Variants in SORD observed in about 807,000 individuals in gnomAD.
SORD encodes (R,R)-butanediol dehydrogenase.
Under a neutral mutation model 35.6 loss-of-function variants are expected in SORD, and 18 were observed. The observed-to-expected ratio is 0.51, with a 90% CI of 0.35 to 0.75. The LOEUF (loss-of-function observed/expected upper bound fraction) is 0.75. Ranked by LOEUF, SORD falls within the 30% of genes least tolerant of loss-of-function variation. The pLI, the probability that SORD is intolerant of heterozygous loss-of-function variation, is 0.01. For missense variants in SORD, 250 were observed against 390.2 expected (o/e 0.64, Z 3.03); for synonymous variants, 106 against 152.9 (o/e 0.69, Z 2.26).
intron 3 of SORD, among the ~76,000 whole-genome samples, chr15:45,048,839 T>A (rs1189646383): frequency 1.3e-5 from 2 of 152,178 alleles, no homozygotes; most frequent in Non-Finnish European, 2.9e-5. Context: ...TACAAAGGTT[T>A]TTATAAGAAA....
intron 3 of SORD, among the ~76,000 whole-genome samples, chr15:45,048,784 T>G (rs1595501477): frequency 2.0e-5 from 3 of 151,560 alleles, no homozygotes; most frequent in African/African-American, 4.9e-5. Context: ...GCAGCGGGGG[T>G]GGAGGGAGGG....
chr15:45,060,918 C>T, intron 3 of SORD, 149 bp from the exon 4 acceptor site: 1 of 1,492,726 alleles, frequency 6.7e-7, no homozygotes, highest in Non-Finnish European at 9.0e-7. Flanking sequence ...TAGATTCTCT[C>T]ATCTGGCATC....
chr15:45,061,337 G>A, intron 4 of SORD, 111 bp downstream of exon 4: 5 of 1,217,586 alleles, frequency 4.1e-6, no homozygotes, highest in Non-Finnish European at 5.8e-6. Context: ...TTCCAAACAT[G>A]AGGCATCACC....
chr15:45,038,131 CCTT>C (rs1892900556), intron 1 of SORD, among the ~76,000 whole-genome samples: 30 of 13,340 alleles, frequency 2.2e-3, no homozygotes, highest in East Asian at 0.013. Context: ...ATCCTCCCTT[CCTT>C]CCTTCCTTCC....
intron 3 of SORD, among the ~76,000 whole-genome samples, chr15:45,048,412 A>G (rs764223173): frequency 6.6e-6 from 1 of 152,224 alleles, no homozygotes; most frequent in Admixed American, 6.5e-5. Context: ...CAAAATAGTC[A>G]TGAAAAACAA....
chr15:45,049,007 G>C (rs1307949938), intron 3 of SORD, among the ~76,000 whole-genome samples: 1 of 152,092 alleles, frequency 6.6e-6, no homozygotes, highest in East Asian at 1.9e-4. Context: ...GCAAGCCCCT[G>C]CCCACCCCCT....
chr15:45,060,411 A>T (rs1368783774), intron 3 of SORD, among the ~76,000 whole-genome samples: 1 of 152,158 alleles, frequency 6.6e-6, no homozygotes, highest in Non-Finnish European at 1.5e-5. Flanking sequence ...AAGCAGGTGT[A>T]GTGAGGCATA....
intron 7 of SORD, among the ~76,000 whole-genome samples, chr15:45,070,980 G>A (rs560169641): frequency 1.8e-4 from 27 of 152,330 alleles, no homozygotes; most frequent in Admixed American, 5.9e-4. Context: ...CACGCATGAC[G>A]GGTGCTGTAG....
intron 3 of SORD, chr15:45,058,679 G>A (rs982107885): frequency 3.9e-5 from 6 of 152,202 alleles, no homozygotes; most frequent in Admixed American, 3.9e-4. Flanking sequence ...GACACCAAGG[G>A]TGAGGTTGGA....
At chr15:45,059,116 TG>T (rs1893262259) in intron 3 of SORD, among the ~76,000 whole-genome samples, 1 of 152,202 alleles carries the variant, frequency 6.6e-6, no homozygotes, top group Non-Finnish European at 1.5e-5. Context: ...CTGCTCTTTA[TG>T]TGCCTGCAGC....
chr15:45,035,697 T>G (rs1026832166), intron 1 of SORD, among the ~76,000 whole-genome samples: 9 of 152,228 alleles, frequency 5.9e-5, no homozygotes, highest in Admixed American at 3.3e-4. Flanking sequence ...CTGCTCACTC[T>G]TTGGGTACAC....
intron 1 of SORD, among the ~76,000 whole-genome samples, chr15:45,034,325 G>T (rs533448183): frequency 6.6e-6 from 1 of 152,194 alleles, no homozygotes; most frequent in South Asian, 2.1e-4. Flanking sequence ...GTGCCACTCA[G>T]GTTGGCTGGA....
At chr15:45,052,462 G>A (rs1451217109) in intron 3 of SORD, among the ~76,000 whole-genome samples, 1 of 152,152 alleles carries the variant, frequency 6.6e-6, no homozygotes, top group African/African-American at 2.4e-5. Context: ...GGAACTAGAG[G>A]CCTTGGACAA....
intron 3 of SORD, among the ~76,000 whole-genome samples, chr15:45,046,804 G>C (rs2141272682): frequency 6.6e-6 from 1 of 152,216 alleles, no homozygotes; most frequent in South Asian, 2.1e-4. Flanking sequence ...GATCACTTGA[G>C]GTCAGGAGTT....
chr15:45,070,828 G>T (rs1300557882), intron 7 of SORD: 1 of 152,204 alleles, frequency 6.6e-6, no homozygotes, highest in Non-Finnish European at 1.5e-5. Context: ...TTCCTCTTGT[G>T]CCCTGCCCTT....
intron 4 of SORD, among the ~76,000 whole-genome samples, chr15:45,062,261 C>G (rs1262245950): frequency 2.6e-5 from 4 of 152,260 alleles, no homozygotes; most frequent in African/African-American, 9.6e-5. Context: ...ACTGGGGTCT[C>G]TGTGAGTCTC....
intron 3 of SORD, among the ~76,000 whole-genome samples, chr15:45,057,758 G>A (rs549613602): frequency 1.3e-5 from 2 of 152,228 alleles, no homozygotes; most frequent in South Asian, 2.1e-4. Flanking sequence ...ACTCCAGCCT[G>A]GGCAACAGAG....
At chr15:45,060,685 C>T (rs868851447) in intron 3 of SORD, among the ~76,000 whole-genome samples, 6 of 152,178 alleles carry the variant, frequency 3.9e-5, no homozygotes, top group Admixed American at 1.3e-4. Flanking sequence ...CCTTTTCCAG[C>T]AGTGTGAGAT....
intron 3 of SORD, among the ~76,000 whole-genome samples, chr15:45,057,644 G>A (rs1455855935): frequency 1.3e-5 from 2 of 152,136 alleles, no homozygotes; most frequent in African/African-American, 4.8e-5. Context: ...TTAGCCGGGT[G>A]TGGTGGCAGG....
Sources: gnomAD v4.1 joint callset for allele counts (sites outside exome capture counted in the v4.1 genomes callset) on GRCh38, gnomAD v4.1.1 for gene constraint, MANE v1.5 for transcripts, NCBI Gene and HGNC (gene_info 2026-07-23, HGNC 2026-07-21) for gene names.